Variants in RALYL observed in about 807,000 individuals in gnomAD.
RALYL encodes the protein RALY RNA binding protein like, also known as RNA-binding Raly-like protein.
A neutral mutation model predicts 35.1 loss-of-function variants in RALYL; 29 were observed. That is an observed-to-expected ratio of 0.83 (90% CI 0.61 to 1.13). The LOEUF is 1.13. RALYL is among the 50% of genes most tolerant of loss of function. The pLI, the probability that RALYL is intolerant of heterozygous loss-of-function variation, is 0.00. For synonymous variants in RALYL, 120 were observed against 127.6 expected (o/e 0.94, Z 0.40); for missense variants, 359 against 360.4 (o/e 1.00, Z 0.03).
chr8:84,383,076 G>A lies in RALYL; in HGVS notation c.-23-146223G>A, dbSNP rs371294720. ...AAGTGCATTTATTTTCAAGCATTTT[G>A]TTTTTATTTTTGATATAGTTATTCA... On this transcript the variant is annotated intron_variant, in intron 1 of 8. Transcript: ENST00000521268. Among the ~76,000 whole-genome samples, 21 of 151,762 alleles carry A rather than the reference G, an allele frequency of 1.4e-4. 2 individuals are homozygous for A. The South Asian group carries it at 3.3e-3, about 24-fold the overall frequency.
At chr8:84,437,376 CA>C (rs2047852493) in intron 1 of RALYL, among the ~76,000 whole-genome samples, 1 of 152,114 alleles carries the variant, frequency 6.6e-6, no homozygotes, top group Non-Finnish European at 1.5e-5. Context: ...GATATCTACC[CA>C]GTAAAGGGAT....
Position 84,354,166 on chromosome 8 carries a change from T to C in RALYL, c.-24+169742T>C, listed in dbSNP as rs534121466. On this transcript the variant is annotated intron_variant, in intron 1 of 8. Coordinates refer to ENST00000521268, the MANE Select transcript of RALYL (RefSeq NM_173848.7). Reference sequence around the variant, plus strand: ...AATTACAATTTGCATAATAATAATTTTTCCTTTGCCTCAACTCAGTGAAAG... The same window carrying C: ...AATTACAATTTGCATAATAATAATTCTTCCTTTGCCTCAACTCAGTGAAAG... 2.0e-5 allele frequency among the ~76,000 whole-genome samples: 3 copies of C among 150,232 alleles called. No individual in the cohort carries two copies. The South Asian group carries it at 6.2e-4, about 31-fold the overall frequency.
intron 1 of RALYL, among the ~76,000 whole-genome samples, chr8:84,303,060 C>T (rs757180313): frequency 2.0e-5 from 3 of 152,134 alleles, no homozygotes; most frequent in Admixed American, 6.6e-5. Context: ...GGTTAGGACA[C>T]ATTCAGGGTA....
intron 8 of RALYL, among the ~76,000 whole-genome samples, chr8:84,892,348 G>A (rs535007690): frequency 2.0e-5 from 3 of 152,170 alleles, no homozygotes; most frequent in South Asian, 4.2e-4. Flanking sequence ...GGTGGCTCAC[G>A]CCTGTAATCC....
At chr8:84,553,815 T>C (rs2135472637) in intron 2 of RALYL, among the ~76,000 whole-genome samples, 1 of 152,292 alleles carries the variant, frequency 6.6e-6, no homozygotes, top group Admixed American at 6.5e-5. Flanking sequence ...ATACTGTCTA[T>C]TTTATTTCTT....
intron 1 of RALYL, among the ~76,000 whole-genome samples, chr8:84,238,542 T>C (rs754813235): frequency 6.6e-6 from 1 of 152,184 alleles, no homozygotes; most frequent in Non-Finnish European, 1.5e-5. Context: ...ATAACTGCGA[T>C]ATTCATATTT....
At chr8:84,622,832 A>T (rs1288454458) in intron 2 of RALYL, among the ~76,000 whole-genome samples, 1 of 152,210 alleles carries the variant, frequency 6.6e-6, no homozygotes, top group Admixed American at 6.5e-5. Context: ...GTGTCTCAAG[A>T]TGTAAGAATT....
chr8:84,329,841 T>C (rs979732462), intron 1 of RALYL, among the ~76,000 whole-genome samples: 22 of 152,104 alleles, frequency 1.4e-4, no homozygotes, highest in African/African-American at 5.3e-4. Flanking sequence ...ATATTGAAGA[T>C]GTAAGCTAAT....
intron 1 of RALYL, among the ~76,000 whole-genome samples, chr8:84,226,335 G>T (rs1426995624): frequency 6.6e-6 from 1 of 152,136 alleles, no homozygotes; most frequent in East Asian, 1.9e-4. Flanking sequence ...GGTCCCTGGT[G>T]CCAAAAAGGT....
At chr8:84,490,930 G>A (rs576207503) in intron 1 of RALYL, among the ~76,000 whole-genome samples, 3 of 151,638 alleles carry the variant, frequency 2.0e-5, no homozygotes, top group South Asian at 2.1e-4. Flanking sequence ...TTTAGAAACC[G>A]CTCATGTTGG....
intron 1 of RALYL, among the ~76,000 whole-genome samples, chr8:84,315,703 G>A (rs765162952): frequency 7.9e-5 from 12 of 151,790 alleles, no homozygotes; most frequent in East Asian, 1.9e-4. Flanking sequence ...AATTCATGTA[G>A]CCTTTACAAG....
chr8:84,519,954 A>G (rs896311838), intron 1 of RALYL, among the ~76,000 whole-genome samples: 3 of 152,186 alleles, frequency 2.0e-5, no homozygotes, highest in Non-Finnish European at 4.4e-5. Flanking sequence ...AATCAGTGAC[A>G]CAGGGTTGCA....
At chr8:84,864,452 T>C (rs1306765457) in intron 6 of RALYL, among the ~76,000 whole-genome samples, 1 of 152,214 alleles carries the variant, frequency 6.6e-6, no homozygotes, top group Admixed American at 6.5e-5. Context: ...CAAATGATCA[T>C]TTAAAATCTA....
chr8:84,362,973 T>C (rs73296868), intron 1 of RALYL, among the ~76,000 whole-genome samples: 9,684 of 151,680 alleles, frequency 0.064, 379 homozygotes, highest in African/African-American at 0.087. Context: ...AAGGGGGAGA[T>C]TGAAGGATCA....
chr8:84,676,962 T>A (rs1032085238), intron 2 of RALYL, among the ~76,000 whole-genome samples: 3 of 151,986 alleles, frequency 2.0e-5, no homozygotes, highest in Admixed American at 2.0e-4. Flanking sequence ...CCACCACACC[T>A]GGCTAATTTT....
At chr8:84,436,452 T>G (rs1050718096) in intron 1 of RALYL, among the ~76,000 whole-genome samples, 9 of 151,808 alleles carry the variant, frequency 5.9e-5, no homozygotes, top group South Asian at 2.1e-4. Context: ...TATTGGGAAC[T>G]TCTCACATTA....
intron 1 of RALYL, among the ~76,000 whole-genome samples, chr8:84,435,647 A>G (rs1336986466): frequency 1.3e-5 from 2 of 152,114 alleles, no homozygotes; most frequent in Non-Finnish European, 2.9e-5. Flanking sequence ...TAATCTCAAC[A>G]TATCACAGAA....
chr8:84,288,136 A>G (rs1170505346), intron 1 of RALYL, among the ~76,000 whole-genome samples: 9 of 151,990 alleles, frequency 5.9e-5, no homozygotes. Flanking sequence ...GACCAGGAGT[A>G]TTGGTTACAG....
intron 1 of RALYL, among the ~76,000 whole-genome samples, chr8:84,463,847 A>G (rs2051134762): frequency 6.6e-6 from 1 of 152,078 alleles, no homozygotes; most frequent in Non-Finnish European, 1.5e-5. Context: ...ATGTACCCAC[A>G]ATCATGGTGT....
Sources: allele counts gnomAD v4.1 joint callset (sites outside exome capture counted in the v4.1 genomes callset), GRCh38; gene constraint gnomAD v4.1.1; transcripts MANE v1.5; gene names NCBI Gene and HGNC (gene_info 2026-07-23, HGNC 2026-07-21).